The following IMMP2L variants were observed in gnomAD, a reference collection of about 807,000 sequenced individuals.
The protein encoded by IMMP2L is inner mitochondrial membrane peptidase subunit 2, also known as mitochondrial inner membrane protease subunit 2.
A neutral mutation model predicts 19.3 loss-of-function variants in IMMP2L; 18 were observed. The observed-to-expected ratio is 0.93, with a 90% CI of 0.64 to 1.38. The LOEUF is 1.38. Among genes scored for constraint, IMMP2L ranks in the 40% most tolerant of loss-of-function variants. The pLI is 0.00. For missense variants in IMMP2L, 233 were observed against 218.2 expected, an observed-to-expected ratio of 1.07 and a Z score of -0.43; for synonymous variants, 76 against 73.0, an observed-to-expected ratio of 1.04 and a Z score of -0.21.
intron 3 of IMMP2L, among the ~76,000 whole-genome samples, chr7:111,375,207 A>G (rs1267864152): frequency 6.6e-6 from 1 of 152,096 alleles, no homozygotes; most frequent in Non-Finnish European, 1.5e-5. Flanking sequence ...GAGTGTTGCT[A>G]CAAAGAGTAG....
At chr7:111,038,835 A>G (rs1247251138) in intron 3 of IMMP2L, among the ~76,000 whole-genome samples, 1 of 152,218 alleles carries the variant, frequency 6.6e-6, no homozygotes, top group Non-Finnish European at 1.5e-5. Flanking sequence ...AACAGATTTT[A>G]AAATCCAGGG....
chr7:111,211,564 G>A lies in IMMP2L; in HGVS notation c.240-247999C>T, dbSNP rs111885046. On this transcript the variant is annotated intron_variant, in intron 3 of 5. Coordinates refer to ENST00000405709, the MANE Select transcript of IMMP2L (RefSeq NM_032549.4). Reference sequence around the variant, plus strand: ...AGATTCTGACCAAGGGTATGTGATCGGAAACTTGACAGATAAATGTAGTAT... The same window carrying A: ...AGATTCTGACCAAGGGTATGTGATCAGAAACTTGACAGATAAATGTAGTAT... 3.9e-3 allele frequency among the ~76,000 whole-genome samples: 590 copies of A among 152,210 alleles called. 2 individuals carry two copies. Among genetic ancestry groups the A allele is most frequent in the African/African-American group, 0.012 (492 of 41,520 alleles).
chr7:110,714,336 T>C (rs1209363536), intron 5 of IMMP2L, among the ~76,000 whole-genome samples: 2 of 152,216 alleles, frequency 1.3e-5, no homozygotes, highest in African/African-American at 4.8e-5. Context: ...TAGTATTTTG[T>C]TGAGGATTTT....
chr7:110,731,423 T>C (rs1796270826), intron 5 of IMMP2L, among the ~76,000 whole-genome samples: 1 of 152,184 alleles, frequency 6.6e-6, no homozygotes, highest in Admixed American at 6.5e-5. Context: ...GTATTTAGTA[T>C]TTATTATTGT....
chr7:111,385,411 A>G (rs781500940), intron 3 of IMMP2L, among the ~76,000 whole-genome samples: 3 of 152,110 alleles, frequency 2.0e-5, no homozygotes, highest in Admixed American at 6.6e-5. Context: ...TTTTGGGCAC[A>G]TTAGAAAAGT....
chr7:111,504,666 C>T (rs1291232074), intron 2 of IMMP2L, among the ~76,000 whole-genome samples: 9 of 152,074 alleles, frequency 5.9e-5, no homozygotes, highest in Admixed American at 6.6e-5. Flanking sequence ...GAAATAATGC[C>T]GCATATCTAC....
chr7:111,561,317 A>T (rs932844866), intron 1 of IMMP2L, among the ~76,000 whole-genome samples: 4 of 152,202 alleles, frequency 2.6e-5, no homozygotes, highest in African/African-American at 9.6e-5. Context: ...CTCCCCTCAA[A>T]ACATCTTCTT....
At chr7:111,454,210 G>A (rs1839479678) in intron 3 of IMMP2L, among the ~76,000 whole-genome samples, 1 of 152,060 alleles carries the variant, frequency 6.6e-6, no homozygotes, top group South Asian at 2.1e-4. Context: ...GCAACTAACT[G>A]AAGCCTCAAC....
chr7:111,250,309 C>CA (rs1229109302), intron 3 of IMMP2L, among the ~76,000 whole-genome samples: 3 of 151,950 alleles, frequency 2.0e-5, no homozygotes, highest in African/African-American at 7.3e-5. Flanking sequence ...GAATCAATAC[C>CA]AAGAAAATGG....
chr7:111,332,669 AGAT>A (rs1825995136), intron 3 of IMMP2L, among the ~76,000 whole-genome samples: 1 of 152,046 alleles, frequency 6.6e-6, no homozygotes, highest in Admixed American at 6.6e-5. Flanking sequence ...CTAATAAGGT[AGAT>A]TTTATGAATA....
intron 5 of IMMP2L, among the ~76,000 whole-genome samples, chr7:110,814,863 G>A (rs1190978496): frequency 6.6e-6 from 1 of 151,824 alleles, no homozygotes; most frequent in Admixed American, 6.6e-5. Context: ...ATAGAAATTT[G>A]TTATGATATT....
chr7:111,319,866 G>C (rs1388093596), intron 3 of IMMP2L, among the ~76,000 whole-genome samples: 1 of 151,738 alleles, frequency 6.6e-6, no homozygotes, highest in South Asian at 2.1e-4. Flanking sequence ...TTAATATTTC[G>C]GCTGCCACAT....
At chr7:111,111,328 T>C (rs899684859) in intron 3 of IMMP2L, among the ~76,000 whole-genome samples, 4 of 147,130 alleles carry the variant, frequency 2.7e-5, no homozygotes, top group African/African-American at 5.1e-5. Context: ...AAAAAGTTAA[T>C]GTTAGCAAGG....
rs555081142 is a variant in IMMP2L, at chr7:111,197,320, G to A, written c.240-233755C>T. Among the ~76,000 whole-genome samples the A allele has an allele frequency of 7.9e-5, 12 of 152,062 alleles. No homozygotes were observed. In the East Asian group the frequency reaches 9.7e-4, roughly 12 times the overall value. ...CTACTAAAAATACAAAAAATTAGCC[G>A]GGCGTGGTGGCGGGCGCCTGTAGTC... On this transcript the variant is annotated intron_variant, in intron 3 of 5. Transcript: ENST00000405709.
At chr7:111,242,369 T>C (rs535030654) in intron 3 of IMMP2L, among the ~76,000 whole-genome samples, 9 of 152,214 alleles carry the variant, frequency 5.9e-5, no homozygotes, top group African/African-American at 9.6e-5. Flanking sequence ...GTTTGTGGAA[T>C]TGCAGTCATT....
intron 5 of IMMP2L, among the ~76,000 whole-genome samples, chr7:110,735,571 G>A (rs1796560714): frequency 6.6e-6 from 1 of 151,118 alleles, no homozygotes; most frequent in East Asian, 2.0e-4. Flanking sequence ...GAGGTGGGTG[G>A]ATTGTTTGAG....
chr7:110,789,971 T>C (rs1156850602), intron 5 of IMMP2L, among the ~76,000 whole-genome samples: 3 of 151,738 alleles, frequency 2.0e-5, no homozygotes, highest in African/African-American at 4.9e-5. Context: ...CCATGGATCT[T>C]ATTCTTCTAA....
Position 111,123,609 on chromosome 7 carries a change from T to C in IMMP2L, c.240-160044A>G. On this transcript the variant is annotated intron_variant, in intron 3 of 5. Coordinates refer to ENST00000405709, the MANE Select transcript of IMMP2L (RefSeq NM_032549.4). This position sits in a 1 kb window ranked among gnomAD's most constrained non-coding sequence, Gnocchi z 6.4. The stretch of plus-strand genomic sequence containing the variant: ...CTATTAATAGAATACGAAGGGGTGA[T>C]TTTAGCAATATGCTACACTTAAAAG... The C allele has an allele frequency of 6.2e-7, 1 of 1,613,454 alleles. No individual in the cohort carries two copies. The highest frequency in any genetic ancestry group is 8.5e-7 in the Non-Finnish European group (1 of 1,179,600).
chr7:111,076,595 C>T (rs1750222845), intron 3 of IMMP2L, among the ~76,000 whole-genome samples: 3 of 152,186 alleles, frequency 2.0e-5, no homozygotes, highest in Admixed American at 1.3e-4. Context: ...TGTTGGGACC[C>T]TTTGTCCATT....
Sources: gnomAD v4.1 joint callset for allele counts (sites outside exome capture counted in the v4.1 genomes callset) on GRCh38, gnomAD v4.1.1 for gene constraint, Gnocchi (gnomAD v3.1) non-coding constraint, MANE v1.5 for transcripts, NCBI Gene and HGNC (gene_info 2026-07-23, HGNC 2026-07-21) for gene names.